Variants in CHRNB3 observed in about 807,000 individuals in gnomAD.
The protein encoded by CHRNB3 is neuronal acetylcholine receptor subunit beta-3.
A neutral mutation model predicts 40.6 loss-of-function variants in CHRNB3; 37 were observed. The ratio of observed to expected loss-of-function variants is 0.91; its 90% CI spans 0.70 to 1.20. The LOEUF (loss-of-function observed/expected upper bound fraction) is 1.20. Among genes scored for constraint, CHRNB3 ranks in the 50% most tolerant of loss-of-function variants. CHRNB3 has a pLI of 0.00. For synonymous variants in CHRNB3, 207 were observed against 207.1 expected (o/e 1.00, Z 0.00); for missense variants, 505 against 551.2 (o/e 0.92, Z 0.84).
At chr8:42,713,421 A>G (rs1477856438) in intron 3 of CHRNB3, among the ~76,000 whole-genome samples, 1 of 151,958 alleles carries the variant, frequency 6.6e-6, no homozygotes, top group Non-Finnish European at 1.5e-5. Flanking sequence ...TCAATTCAAT[A>G]CCCAAAACCA....
At chr8:42,720,037 G>GCAC (rs1563612062) in intron 3 of CHRNB3, among the ~76,000 whole-genome samples, 1 of 143,126 alleles carries the variant, frequency 7.0e-6, no homozygotes, top group African/African-American at 2.6e-5. Context: ...TCCTGCCCCA[G>GCAC]CACCTTTCCA....
At chr8:42,716,946 A>G (rs1054313181) in intron 3 of CHRNB3, among the ~76,000 whole-genome samples, 11 of 152,244 alleles carry the variant, frequency 7.2e-5, no homozygotes, top group South Asian at 2.1e-4. Context: ...AACTGCTGGA[A>G]TATCTGCCCA....
At chr8:42,725,994 C>A in intron 3 of CHRNB3, 1 of 1,147,926 alleles carries the variant, frequency 8.7e-7, no homozygotes, top group Non-Finnish European at 1.3e-6. Context: ...CTGGCAATTC[C>A]AAGGTGTGGT....
intron 2 of CHRNB3, among the ~76,000 whole-genome samples, chr8:42,709,338 A>T (rs1815972679): frequency 6.6e-6 from 1 of 151,530 alleles, no homozygotes; most frequent in Non-Finnish European, 1.5e-5. Context: ...ACCTCTTCTG[A>T]ACTCACCCAT....
intron 1 of CHRNB3, chr8:42,699,288 G>T (rs1191134576): frequency 8.5e-5 from 13 of 152,102 alleles, no homozygotes; most frequent in Non-Finnish European, 1.9e-4. Flanking sequence ...TGTGCTATCT[G>T]CTCTCAAAAA....
At chr8:42,716,035 G>C (rs77389775) in intron 3 of CHRNB3, among the ~76,000 whole-genome samples, 8,071 of 144,788 alleles carry the variant, frequency 0.056, 296 homozygotes, top group Middle Eastern at 0.12. Flanking sequence ...CTGGAGCGCA[G>C]TGGCATGATC....
In CHRNB3 at chr8:42,732,541, A is replaced by T; in HGVS notation, c.1234A>T (p.Ile412Phe). The change falls in exon 5 of 6, where the codon ATC becomes TTC. Residue 412 changes from isoleucine (I) to phenylalanine (F), a missense_variant. Transcript: ENST00000289957. ...GAGACATGTGAAGAAAGAACATTTT[A>T]TCAGCCAGGTGAGTAAACTGGTATT... is the stretch of plus-strand genomic sequence containing the variant. Reference protein sequence around the residue: ...ISRHVKKEHFISQVVQDWKFV... With the variant: ...ISRHVKKEHFFSQVVQDWKFV... 6.3e-7 allele frequency: 1 copy of T among 1,591,134 alleles called. No homozygotes were observed. Among genetic ancestry groups the T allele is most frequent in the South Asian group, 1.2e-5 (1 of 85,944 alleles).
chr8:42,726,908 T>A (rs1237626605), intron 3 of CHRNB3, among the ~76,000 whole-genome samples: 1 of 152,106 alleles, frequency 6.6e-6, no homozygotes, highest in Non-Finnish European at 1.5e-5. Context: ...ATAAATAATA[T>A]TCCTGGGCCA....
intron 5 of CHRNB3, among the ~76,000 whole-genome samples, chr8:42,733,632 A>AC: frequency 8.7e-6 from 1 of 115,008 alleles, no homozygotes; most frequent in Non-Finnish European, 1.6e-5. Flanking sequence ...TCTTGCTGTC[A>AC]CCCAGGTTGG....
intron 1 of CHRNB3, among the ~76,000 whole-genome samples, chr8:42,698,824 A>G (rs1815725155): frequency 6.6e-6 from 1 of 152,170 alleles, no homozygotes; most frequent in African/African-American, 2.4e-5. Flanking sequence ...CTCTTTTCCC[A>G]AGGAATGATT....
chr8:42,708,371 C>A (rs1013665023), intron 1 of CHRNB3, among the ~76,000 whole-genome samples: 8 of 152,046 alleles, frequency 5.3e-5, no homozygotes, highest in Admixed American at 3.3e-4. Context: ...GAGGCTGAGG[C>A]AGGAGAATGG....
rs572946280 is a variant in CHRNB3 at position 42,719,852 on chromosome 8, G to A, written c.249+9418G>A. Reference sequence around the variant, plus strand: ...AGTCCTAGTGTGGAGCTCAGGGCTTGTGAGTGGAGTCCAGTGTGCTTTCTC... The same window carrying A: ...AGTCCTAGTGTGGAGCTCAGGGCTTATGAGTGGAGTCCAGTGTGCTTTCTC... On this transcript the variant is annotated intron_variant, in intron 3 of 5. Coordinates refer to ENST00000289957, the MANE Select transcript of CHRNB3 (RefSeq NM_000749.5). Among the ~76,000 whole-genome samples the A allele has an allele frequency of 5.3e-5, 8 of 152,226 alleles. No individual in the cohort carries two copies. The South Asian group carries it at 1.5e-3, about 28-fold the overall frequency.
At chr8:42,709,379 T>C (rs1159394406) in intron 2 of CHRNB3, among the ~76,000 whole-genome samples, 1 of 149,874 alleles carries the variant, frequency 6.7e-6, no homozygotes, top group Non-Finnish European at 1.5e-5. Context: ...CTTTTGAGCT[T>C]GCCTTTCTGT....
chr8:42,698,962 T>C (rs547133444), intron 1 of CHRNB3, among the ~76,000 whole-genome samples: 6 of 152,336 alleles, frequency 3.9e-5, no homozygotes, highest in African/African-American at 1.4e-4. Context: ...GTCTCCATTG[T>C]GTGGGCTGGA....
intron 2 of CHRNB3, among the ~76,000 whole-genome samples, chr8:42,709,801 T>G (rs1815982021): frequency 6.6e-6 from 1 of 152,126 alleles, no homozygotes; most frequent in Non-Finnish European, 1.5e-5. Flanking sequence ...CCAGCTAATT[T>G]TTGTATTTTT....
intron 3 of CHRNB3, 46 bp downstream of exon 3, chr8:42,710,480 T>C (rs767400288): frequency 5.4e-5 from 79 of 1,462,862 alleles, no homozygotes; most frequent in Non-Finnish European, 7.1e-5. Context: ...AGTCACTTAT[T>C]TTCTATTTAT....
chr8:42,714,395 G>A (rs536703330), intron 3 of CHRNB3, among the ~76,000 whole-genome samples: 2 of 152,060 alleles, frequency 1.3e-5, no homozygotes, highest in South Asian at 4.1e-4. Flanking sequence ...CCAGCTACTC[G>A]GGAGGCTGAG....
chr8:42,727,373 G>GAA (rs758556619), intron 3 of CHRNB3, among the ~76,000 whole-genome samples: 4 of 85,100 alleles, frequency 4.7e-5, no homozygotes, highest in South Asian at 4.4e-4. Flanking sequence ...ACTCTGTCTC[G>GAA]AAAAAAAAAA....
At position 42,703,425 on chromosome 8, in the gene CHRNB3, AAAAAAAAAAAATATTTATAT is replaced by A. The variant is rs1309603917; in HGVS notation, c.53-5290_53-5271del. 3.3e-3 allele frequency among the ~76,000 whole-genome samples: 120 copies of A among 36,286 alleles called. 4 individuals carry two copies. The highest frequency in any genetic ancestry group is 6.2e-3 in the African/African-American group (106 of 17,206). 23.8% of individuals were successfully genotyped at this position (36,286 alleles called of 152,430 possible). On this transcript the variant is annotated intron_variant, in intron 1 of 5. Transcript: ENST00000289957. ...GGTGACAGAGCAAGACTTCGTCTAA[AAAAAAAAAAAATATTTATAT>A]ATATATATATATATATGTATCCACA... is the stretch of plus-strand genomic sequence containing the variant.
Sources: allele counts gnomAD v4.1 joint callset (sites outside exome capture counted in the v4.1 genomes callset), GRCh38; gene constraint gnomAD v4.1.1; transcripts MANE v1.5; gene names NCBI Gene and HGNC (gene_info 2026-07-23, HGNC 2026-07-21).